ZNF493: variants seen among roughly 807,000 people sequenced by gnomAD.
ZNF493 encodes zinc finger protein 493.
A neutral mutation model predicts 12.2 loss-of-function variants in ZNF493; 11 were observed. That is an observed-to-expected ratio of 0.90 (90% CI 0.57 to 1.50). The LOEUF is 1.50. Among genes scored for constraint, ZNF493 ranks in the 40% most tolerant of loss-of-function variants. The probability of loss-of-function intolerance (pLI) is 0.00; values close to 1 mark genes in which losing one functional copy is unlikely to be tolerated. For synonymous variants in ZNF493, 286 were observed against 302.6 expected, an observed-to-expected ratio of 0.95 and a Z score of 0.57; for missense variants, 950 against 906.6, an observed-to-expected ratio of 1.05 and a Z score of -0.61.
chr19:21,424,436 A>G lies in ZNF493; in HGVS notation c.1777A>G (p.Ile593Val). ...ATTCTCAACCCTTACTAAACACAAG[A>G]TAATTCATACTGATAAGAAACCCTA... ...SVFSTLTKHK[I>V]IHTDKKPYKC... The change falls in exon 4 of 4, where the codon ATA becomes GTA. Residue 593 changes from isoleucine (I) to valine (V), a missense_variant. Coordinates refer to ENST00000392288, the MANE Select transcript of ZNF493 (RefSeq NM_001076678.3). The G allele has an allele frequency of 1.2e-6, 2 of 1,613,454 alleles. No homozygotes were observed. Among genetic ancestry groups the G allele is most frequent in the Non-Finnish European group, 1.7e-6 (2 of 1,179,736 alleles).
In ZNF493 at chr19:21,408,732, G is replaced by A. The variant is rs1386764198; in HGVS notation, c.253+2876G>A. The A allele has an allele frequency of 5.1e-6, 5 of 984,850 alleles. No individual in the cohort carries two copies. In the African/African-American group the frequency reaches 8.8e-5, roughly 17 times the overall value. The allele number at this position is 984,850 out of a possible 1,614,324, so 61.0% of individuals were successfully genotyped here. A position where few individuals can be genotyped will look rare whatever the true frequency, so the allele number is the denominator to read the frequency against. ...TATGTATTATAATTTTAGTCAATTT[G>A]CAATTCTGTCTGTATACTTTATGTC... On this transcript the variant is annotated intron_variant, in intron 3 of 3. Coordinates refer to ENST00000392288, the MANE Select transcript of ZNF493 (RefSeq NM_001076678.3).
At chr19:21,421,427 A>G (rs1326071753) in intron 3 of ZNF493, among the ~76,000 whole-genome samples, 1 of 152,002 alleles carries the variant, frequency 6.6e-6, no homozygotes, top group South Asian at 2.1e-4. Flanking sequence ...GTGCAATGGC[A>G]TGATCTCCAC....
chr19:21,410,493 T>C (rs1395200398), intron 3 of ZNF493, among the ~76,000 whole-genome samples: 1 of 152,148 alleles, frequency 6.6e-6, no homozygotes, highest in Admixed American at 6.5e-5. Context: ...TCTTTTTCTA[T>C]ATGTGTATCT....
In ZNF493 at chr19:21,423,920, A is replaced by C. The variant is rs1370739321; in HGVS notation, c.1261A>C (p.Thr421Pro). Residue 421 changes from threonine to proline, a missense_variant, in exon 4 of 4, where the codon ACT (threonine) becomes CCT (proline). Coordinates refer to ENST00000392288, the MANE Select transcript of ZNF493 (RefSeq NM_001076678.3). Reference sequence around the variant, plus strand: ...AGCTTATAAGGAGTCTTCACACCTTACTACACATAAAAGAATTCATACTGG... The same window carrying C: ...AGCTTATAAGGAGTCTTCACACCTTCCTACACATAAAAGAATTCATACTGG... ...GKAYKESSHL[T>P]THKRIHTGEK... 1 of 1,613,458 alleles carries C rather than the reference A, an allele frequency of 6.2e-7. No individual in the cohort carries two copies. Among genetic ancestry groups the C allele is most frequent in the Non-Finnish European group, 8.5e-7 (1 of 1,179,602 alleles).
intron 3 of ZNF493, chr19:21,413,172 A>T (rs189449377): frequency 5.2e-4 from 160 of 309,340 alleles, no homozygotes; most frequent in Admixed American, 1.2e-3. Context: ...AAGTACATTC[A>T]TTTTTTCTGG....
Position 21,426,414 on chromosome 19 carries a change from C to A in ZNF493, c.*1430C>A. ...CTTACTAAACACCAGAGAGTTCATGCTTAATAAAAGCATGATAAGTGCAAT... is the reference window on the plus strand; with the variant it reads ...CTTACTAAACACCAGAGAGTTCATGATTAATAAAAGCATGATAAGTGCAAT... On this transcript the variant is annotated 3_prime_UTR_variant, in exon 4 of 4. Transcript: ENST00000392288. 1 of 168,286 alleles carries A rather than the reference C, an allele frequency of 5.9e-6. No individual in the cohort carries two copies. The highest frequency in any genetic ancestry group is 2.0e-4 in the South Asian group (1 of 4,902). 10.4% of individuals were successfully genotyped at this position (168,286 alleles called of 1,614,324 possible). A position where few individuals can be genotyped will look rare whatever the true frequency, so the allele number is the denominator to read the frequency against.
chr19:21,402,751 T>C (rs899260948), intron 1 of ZNF493, among the ~76,000 whole-genome samples: 7 of 152,218 alleles, frequency 4.6e-5, no homozygotes, highest in Admixed American at 4.6e-4. Flanking sequence ...GCTACAGTTA[T>C]ATGAGAGGCT....
At chr19:21,415,672 C>T (rs1029481301) in intron 3 of ZNF493, among the ~76,000 whole-genome samples, 2 of 152,174 alleles carry the variant, frequency 1.3e-5, no homozygotes, top group Non-Finnish European at 2.9e-5. Flanking sequence ...AGGTCAATTA[C>T]TTGCCCTACA....
chr19:21,420,623 A>AT (rs1164416201), intron 3 of ZNF493, among the ~76,000 whole-genome samples: 3 of 16,118 alleles, frequency 1.9e-4, no homozygotes, highest in Non-Finnish European at 3.2e-4. Flanking sequence ...ATATATATAT[A>AT]TTTTTTTTTT....
chr19:21,419,339 G>C (rs997847875), intron 3 of ZNF493, among the ~76,000 whole-genome samples: 3 of 152,014 alleles, frequency 2.0e-5, no homozygotes, highest in Admixed American at 6.6e-5. Context: ...CTTGTATTAG[G>C]GTTCTCTAGA....
Position 21,413,424 on chromosome 19 carries a change from CATTAA to C in ZNF493, c.253+7572_253+7576del, listed in dbSNP as rs2030387359. ...TGGTGATAACTGCTATCATAGCTAC[CATTAA>C]ATTGCTCATTGTGACTGGTTGTCCC... On this transcript the variant is annotated intron_variant, in intron 3 of 3. Coordinates refer to ENST00000392288, the MANE Select transcript of ZNF493 (RefSeq NM_001076678.3). The C allele has an allele frequency of 2.0e-5, 8 of 406,322 alleles. No individual in the cohort carries two copies. In the South Asian group the frequency reaches 8.8e-4, roughly 45 times the overall value. 25.2% of individuals were successfully genotyped at this position (406,322 alleles called of 1,614,324 possible). A position where few individuals can be genotyped will look rare whatever the true frequency, so the allele number is the denominator to read the frequency against.
At position 21,425,133 on chromosome 19, in the gene ZNF493, T is replaced by C; in HGVS notation, c.*149T>C. 1 of 931,786 alleles carries C rather than the reference T, an allele frequency of 1.1e-6. No individual in the cohort carries two copies. The highest frequency in any genetic ancestry group is 1.7e-6 in the Non-Finnish European group (1 of 580,566). The allele number at this position is 931,786 out of a possible 1,614,324, so 57.7% of individuals were successfully genotyped here. ...TGAAGAATGTGGCAAAGATTTCTATTGATTCTCATACCTTACTAAATATAA... is the reference window on the plus strand; with the variant it reads ...TGAAGAATGTGGCAAAGATTTCTATCGATTCTCATACCTTACTAAATATAA... On this transcript the variant is annotated 3_prime_UTR_variant, in exon 4 of 4. Transcript: ENST00000392288.
chr19:21,409,601 C>T (rs1203118130), intron 3 of ZNF493, among the ~76,000 whole-genome samples: 2 of 151,920 alleles, frequency 1.3e-5, no homozygotes, highest in Non-Finnish European at 2.9e-5. Flanking sequence ...TAAAAATAGC[C>T]AGGCGTGGTG....
chr19:21,422,077 C>T (rs1004355067), intron 3 of ZNF493, among the ~76,000 whole-genome samples: 1 of 152,172 alleles, frequency 6.6e-6, no homozygotes, highest in African/African-American at 2.4e-5. Context: ...ATCTCTTGAA[C>T]TCGTGATCCA....
chr19:21,420,591 T>C (rs866854231), intron 3 of ZNF493, among the ~76,000 whole-genome samples: 7 of 10,678 alleles, frequency 6.6e-4, no homozygotes, highest in African/African-American at 2.8e-3. Flanking sequence ...ACTCACTTGA[T>C]TATATATATA....
chr19:21,405,554 AT>A, intron 2 of ZNF493: 2 of 1,274,244 alleles, frequency 1.6e-6, no homozygotes, highest in Non-Finnish European at 1.0e-6. Context: ...GCCACCACTA[AT>A]TTTTTATCCA....
chr19:21,411,021 C>T (rs888666672), intron 3 of ZNF493, among the ~76,000 whole-genome samples: 1 of 152,072 alleles, frequency 6.6e-6, no homozygotes, highest in Non-Finnish European at 1.5e-5. Flanking sequence ...AACTCCTGAC[C>T]TCAGGTGATC....
At chr19:21,409,616 G>A (rs2030255434) in intron 3 of ZNF493, among the ~76,000 whole-genome samples, 1 of 152,002 alleles carries the variant, frequency 6.6e-6, no homozygotes, top group African/African-American at 2.4e-5. Flanking sequence ...GTGGTGGTAT[G>A]CACCTGTGGT....
chr19:21,415,021 T>C (rs2030437933), intron 3 of ZNF493, among the ~76,000 whole-genome samples: 1 of 152,208 alleles, frequency 6.6e-6, no homozygotes, highest in African/African-American at 2.4e-5. Context: ...TCCAGGATCA[T>C]ATCTGTGTAA....
Sources: allele counts gnomAD v4.1 joint callset (sites outside exome capture counted in the v4.1 genomes callset), GRCh38; gene constraint gnomAD v4.1.1; transcripts MANE v1.5; gene names NCBI Gene and HGNC (gene_info 2026-07-23, HGNC 2026-07-21).